The following RORA variants were observed in gnomAD, a reference collection of about 807,000 sequenced individuals.
RORA encodes nuclear receptor ROR-alpha.
Under a neutral mutation model 69.5 loss-of-function variants are expected in RORA, and 7 were observed. The observed-to-expected ratio is 0.10, with a 90% CI of 0.06 to 0.19. The LOEUF (loss-of-function observed/expected upper bound fraction) is 0.19, where lower values mean the gene tolerates loss of function less well. RORA is among the 10% of genes least tolerant of loss of function. The pLI is 1.00. For missense variants in RORA, 457 were observed against 663.0 expected, an observed-to-expected ratio of 0.69 and a Z score of 3.41; for synonymous variants, 261 against 240.8, an observed-to-expected ratio of 1.08 and a Z score of -0.78.
At chr15:60,720,573 G>A (rs1308563090) in intron 1 of RORA, among the ~76,000 whole-genome samples, 2 of 152,094 alleles carry the variant, frequency 1.3e-5, no homozygotes, top group Non-Finnish European at 2.9e-5. Context: ...ACGTGTTGTG[G>A]TATTCTGGGT....
chr15:61,071,007 A>T (rs1044273700), intron 1 of RORA, among the ~76,000 whole-genome samples: 4 of 151,656 alleles, frequency 2.6e-5, no homozygotes, highest in African/African-American at 7.3e-5. Context: ...CCCATTAGTA[A>T]TCTAACGGAC....
intron 1 of RORA, among the ~76,000 whole-genome samples, chr15:60,841,749 G>A (rs562277151): frequency 1.3e-5 from 2 of 152,278 alleles, no homozygotes; most frequent in South Asian, 2.1e-4. Context: ...CCGTCATGAT[G>A]TTGTGCTCCG....
chr15:60,548,586 G>A (rs1427980250), intron 2 of RORA, among the ~76,000 whole-genome samples: 1 of 152,168 alleles, frequency 6.6e-6, no homozygotes, highest in African/African-American at 2.4e-5. Context: ...CTCAAGTGCT[G>A]GGAGGCACGA....
Position 60,495,451 on chromosome 15 carries a change from A to G in RORA, c.*2004T>C, listed in dbSNP as rs1283674218. ...AAGTTGGATGTTATTTAGGCTTCAT[A>G]CACACATCTGTGTGAATAATACCTT... On this transcript the variant is annotated 3_prime_UTR_variant, in exon 11 of 11. Coordinates refer to ENST00000335670, the MANE Select transcript of RORA (RefSeq NM_134261.3). The G allele has an allele frequency of 2.0e-5, 3 of 152,234 alleles. No homozygotes were observed. Among genetic ancestry groups the G allele is most frequent in the African/African-American group, 7.2e-5 (3 of 41,466 alleles). The allele number at this position is 152,234 out of a possible 1,614,324, so 9.4% of individuals were successfully genotyped here. A position where few individuals can be genotyped will look rare whatever the true frequency, so the allele number is the denominator to read the frequency against.
At chr15:61,126,236 C>T (rs2079141494) in intron 1 of RORA, among the ~76,000 whole-genome samples, 1 of 152,118 alleles carries the variant, frequency 6.6e-6, no homozygotes. Flanking sequence ...AACTGACACA[C>T]AAAAATTGTA....
rs1262943146 is a variant in RORA, at chr15:60,614,962, C to T, written c.196+63695G>A. On this transcript the variant is annotated intron_variant, in intron 2 of 10. Coordinates refer to ENST00000335670, the MANE Select transcript of RORA (RefSeq NM_134261.3). Reference sequence around the variant, plus strand: ...ATTAATAAAGTTCTTGGCTGTGGCTCCATCCCAGTTTATGTGCTCAAGTTG... The same window carrying T: ...ATTAATAAAGTTCTTGGCTGTGGCTTCATCCCAGTTTATGTGCTCAAGTTG... 4 of 1,614,058 alleles carry T rather than the reference C, an allele frequency of 2.5e-6. No homozygotes were observed. The East Asian group carries it at 6.7e-5, about 27-fold the overall frequency.
intron 1 of RORA, among the ~76,000 whole-genome samples, chr15:60,731,993 G>A (rs936890461): frequency 5.9e-5 from 9 of 152,280 alleles, no homozygotes; most frequent in South Asian, 2.1e-4. Context: ...CCGAATAGGC[G>A]AAGGGAGAGC....
intron 1 of RORA, among the ~76,000 whole-genome samples, chr15:61,181,894 C>T (rs1323131849): frequency 6.6e-6 from 1 of 152,116 alleles, no homozygotes; most frequent in Non-Finnish European, 1.5e-5. Flanking sequence ...TTGTGAAAAG[C>T]TACAGAGAGG....
chr15:60,512,226 A>G (rs1230380545), intron 4 of RORA: 1 of 152,274 alleles, frequency 6.6e-6, no homozygotes, highest in Non-Finnish European at 1.5e-5. Context: ...TCCTCCAGTC[A>G]TGGGTCATGG....
chr15:60,878,620 C>T (rs1366403177), intron 1 of RORA, among the ~76,000 whole-genome samples: 1 of 152,236 alleles, frequency 6.6e-6, no homozygotes, highest in Admixed American at 6.5e-5. Context: ...GAAAGCTCTG[C>T]TCCTCTGCTA....
chr15:61,037,055 G>A (rs1404581542), intron 1 of RORA, among the ~76,000 whole-genome samples: 1 of 152,084 alleles, frequency 6.6e-6, no homozygotes, highest in Non-Finnish European at 1.5e-5. Flanking sequence ...GAATGGGGTA[G>A]GAAGCTAGAC....
intron 1 of RORA, among the ~76,000 whole-genome samples, chr15:60,939,194 A>T (rs1045237931): frequency 6.6e-6 from 1 of 152,172 alleles, no homozygotes; most frequent in African/African-American, 2.4e-5. Context: ...TCACTCACTC[A>T]TTCATTCATT....
chr15:60,670,891 C>T (rs572298067), intron 2 of RORA, among the ~76,000 whole-genome samples: 64 of 152,104 alleles, frequency 4.2e-4, no homozygotes, highest in African/African-American at 1.5e-3. Context: ...TGATCACTCT[C>T]TTCTTGTTTT....
chr15:60,764,112 T>G (rs1403627545), intron 1 of RORA: 1 of 152,064 alleles, frequency 6.6e-6, no homozygotes, highest in Non-Finnish European at 1.5e-5. Flanking sequence ...CAAAAGAAAT[T>G]AAGAAAGGCA....
At chr15:61,163,703 A>C (rs958350570) in intron 1 of RORA, among the ~76,000 whole-genome samples, 6 of 152,148 alleles carry the variant, frequency 3.9e-5, no homozygotes, top group African/African-American at 1.4e-4. Context: ...GGCAATGACA[A>C]ATTCCACAGA....
intron 1 of RORA, among the ~76,000 whole-genome samples, chr15:61,217,457 G>A (rs911104978): frequency 1.3e-5 from 2 of 152,102 alleles, no homozygotes; most frequent in South Asian, 2.1e-4. Flanking sequence ...TGGGGACTAG[G>A]TGAGGCAGAG....
intron 1 of RORA, among the ~76,000 whole-genome samples, chr15:61,136,178 C>A (rs2079238513): frequency 6.6e-6 from 1 of 151,244 alleles, no homozygotes; most frequent in Non-Finnish European, 1.5e-5. Context: ...GGCCTTCCCT[C>A]CCCCACCCAA....
At chr15:60,930,131 T>C (rs1892334255) in intron 1 of RORA, among the ~76,000 whole-genome samples, 1 of 152,210 alleles carries the variant, frequency 6.6e-6, no homozygotes, top group African/African-American at 2.4e-5. Context: ...GAAATTTATA[T>C]AGCCATGTGG....
intron 2 of RORA, among the ~76,000 whole-genome samples, chr15:60,637,351 G>GA (rs1242718265): frequency 1.3e-5 from 2 of 151,710 alleles, no homozygotes; most frequent in African/African-American, 4.9e-5. Context: ...CTTAATATTT[G>GA]AAAAAATACA....
Sources: allele counts gnomAD v4.1 joint callset (sites outside exome capture counted in the v4.1 genomes callset), GRCh38; gene constraint gnomAD v4.1.1; transcripts MANE v1.5; gene names NCBI Gene and HGNC (gene_info 2026-07-23, HGNC 2026-07-21).